The following KCNIP4 variants were observed in gnomAD, a reference collection of about 807,000 sequenced individuals.
The protein encoded by KCNIP4 is Kv channel-interacting protein 4.
KCNIP4 carries 12 observed loss-of-function variants against 34.0 expected under a neutral mutation model. That is an observed-to-expected ratio of 0.35 (90% CI 0.23 to 0.57). The LOEUF (loss-of-function observed/expected upper bound fraction) is 0.57, where lower values mean the gene tolerates loss of function less well. KCNIP4 is among the 20% of genes least tolerant of loss of function. The pLI is 0.83. For missense variants in KCNIP4, 238 were observed against 311.7 expected (o/e 0.76, Z 1.78); for synonymous variants, 124 against 102.2 (o/e 1.21, Z -1.29).
At chr4:21,564,854 T>C (rs956217959) in intron 1 of KCNIP4, among the ~76,000 whole-genome samples, 3 of 140,868 alleles carry the variant, frequency 2.1e-5, no homozygotes, top group Non-Finnish European at 4.5e-5. Context: ...GGTTCTGTTT[T>C]AACAAATAGC....
intron 1 of KCNIP4, among the ~76,000 whole-genome samples, chr4:21,093,944 T>C (rs995206272): frequency 1.3e-5 from 2 of 151,978 alleles, no homozygotes; most frequent in South Asian, 2.1e-4. Context: ...TAGCCAGGCG[T>C]GGTGGCGGGC....
chr4:21,686,517 T>C (rs371259135), intron 1 of KCNIP4, among the ~76,000 whole-genome samples: 7 of 152,198 alleles, frequency 4.6e-5, no homozygotes, highest in East Asian at 3.8e-4. Flanking sequence ...ACATATACTA[T>C]GTTCCCCGTA....
chr4:21,412,024 T>C (rs1358475399), intron 1 of KCNIP4, among the ~76,000 whole-genome samples: 1 of 152,190 alleles, frequency 6.6e-6, no homozygotes, highest in Admixed American at 6.5e-5. Context: ...TATGGGGCAC[T>C]TGACATACTC....
intron 1 of KCNIP4, among the ~76,000 whole-genome samples, chr4:21,141,022 A>C (rs1304531548): frequency 6.6e-6 from 1 of 152,168 alleles, no homozygotes. Flanking sequence ...TTGTTTCTAG[A>C]CCCTGGCAAT....
intron 1 of KCNIP4, among the ~76,000 whole-genome samples, chr4:21,856,342 T>G (rs1352531567): frequency 2.6e-5 from 4 of 152,224 alleles, no homozygotes; most frequent in Non-Finnish European, 5.9e-5. Flanking sequence ...TTCCTGTAGA[T>G]GAATATAAAG....
chr4:21,268,206 A>C (rs965680282), intron 1 of KCNIP4, among the ~76,000 whole-genome samples: 9 of 152,130 alleles, frequency 5.9e-5, no homozygotes, highest in African/African-American at 2.2e-4. Flanking sequence ...CTGGAATTTC[A>C]ACATCAGAGT....
At chr4:21,581,847 C>G (rs1009797967) in intron 1 of KCNIP4, among the ~76,000 whole-genome samples, 2 of 151,882 alleles carry the variant, frequency 1.3e-5, no homozygotes, top group East Asian at 1.9e-4. Context: ...CAAATACCCC[C>G]TATTTACACA....
intron 1 of KCNIP4, among the ~76,000 whole-genome samples, chr4:21,279,093 C>T (rs987713866): frequency 1.3e-5 from 2 of 152,134 alleles, no homozygotes; most frequent in Admixed American, 6.5e-5. Flanking sequence ...TGAGTAAGAA[C>T]AGATGTATTA....
intron 1 of KCNIP4, among the ~76,000 whole-genome samples, chr4:21,447,195 T>C (rs1040338218): frequency 3.3e-5 from 5 of 152,086 alleles, no homozygotes; most frequent in African/African-American, 9.7e-5. Context: ...AGAAGGAGAT[T>C]TGATAATTGA....
chr4:21,645,744 G>A (rs2109245656), intron 1 of KCNIP4, among the ~76,000 whole-genome samples: 1 of 152,178 alleles, frequency 6.6e-6, no homozygotes, highest in East Asian at 1.9e-4. Context: ...CTGCTCAGAT[G>A]GGCTGTATGA....
At chr4:21,413,255 T>G (rs958130314) in intron 1 of KCNIP4, among the ~76,000 whole-genome samples, 3 of 152,112 alleles carry the variant, frequency 2.0e-5, no homozygotes, top group African/African-American at 7.2e-5. Flanking sequence ...TGAGCTAAGC[T>G]AGGCTGAGGT....
chr4:21,857,747 G>C (rs560611284), intron 1 of KCNIP4, among the ~76,000 whole-genome samples: 43 of 152,292 alleles, frequency 2.8e-4, no homozygotes, highest in African/African-American at 8.9e-4. Context: ...AAGAACTCAG[G>C]TTCTGCTGAA....
rs368334382 is a variant in KCNIP4, at chr4:21,764,984, A to G, written c.61+183587T>C. ...TTGGAGGAGAGGCTCTATGAGACCC[A>G]TATCACAGCCATGTCAACTTGGGAT... On this transcript the variant is annotated intron_variant, in intron 1 of 8. Coordinates refer to ENST00000382152, the MANE Select transcript of KCNIP4 (RefSeq NM_025221.6). 1.3e-3 allele frequency among the ~76,000 whole-genome samples: 196 copies of G among 152,146 alleles called. 1 individual carries two copies. The highest frequency in any genetic ancestry group is 2.1e-3 in the Non-Finnish European group (140 of 67,994).
rs1725218953 is a variant in KCNIP4, at chr4:20,885,662, TG to T, written c.62-2954del. ...TCTGTCTTGATAAATCAGCTCTATC[TG>T]GGCAGCAGGCAAAATGAACCCATTG... On this transcript the variant is annotated intron_variant, in intron 1 of 8. Coordinates refer to ENST00000382152, the MANE Select transcript of KCNIP4 (RefSeq NM_025221.6). Among the ~76,000 whole-genome samples the T allele has an allele frequency of 2.0e-5, 3 of 152,170 alleles. No homozygotes were observed. The South Asian group carries it at 6.2e-4, about 31-fold the overall frequency.
intron 1 of KCNIP4, among the ~76,000 whole-genome samples, chr4:21,056,666 T>C (rs1743436569): frequency 6.6e-6 from 1 of 152,182 alleles, no homozygotes; most frequent in Admixed American, 6.5e-5. Flanking sequence ...GTAAGTGTAC[T>C]TCTAATACAC....
At chr4:21,395,218 G>C (rs1405056971) in intron 1 of KCNIP4, among the ~76,000 whole-genome samples, 1 of 151,924 alleles carries the variant, frequency 6.6e-6, no homozygotes, top group Non-Finnish European at 1.5e-5. Context: ...ATCCCTTTAG[G>C]GCAGGTCTAC....
At chr4:21,916,056 T>C (rs532585816) in intron 1 of KCNIP4, among the ~76,000 whole-genome samples, 1 of 152,336 alleles carries the variant, frequency 6.6e-6, no homozygotes, top group Admixed American at 6.5e-5. Context: ...ATTCGCTGTG[T>C]CCTTGAAGCC....
chr4:21,674,115 T>C (rs1749702604), intron 1 of KCNIP4, among the ~76,000 whole-genome samples: 1 of 152,250 alleles, frequency 6.6e-6, no homozygotes, highest in African/African-American at 2.4e-5. Context: ...AGAATATTAA[T>C]GACTTGTCAG....
intron 1 of KCNIP4, among the ~76,000 whole-genome samples, chr4:21,880,533 A>G (rs1210437243): frequency 6.6e-6 from 1 of 152,224 alleles, no homozygotes; most frequent in Non-Finnish European, 1.5e-5. Context: ...GGTTGAACAT[A>G]TTTGATCTTT....
Sources: gnomAD v4.1 joint callset for allele counts (sites outside exome capture counted in the v4.1 genomes callset) on GRCh38, gnomAD v4.1.1 for gene constraint, MANE v1.5 for transcripts, NCBI Gene and HGNC (gene_info 2026-07-23, HGNC 2026-07-21) for gene names.